LAMP2: variants seen among roughly 807,000 people sequenced by gnomAD.
The protein encoded by LAMP2 is lysosome associated membrane protein 2.
A neutral mutation model predicts 25.6 loss-of-function variants in LAMP2; 4 were observed. That is an observed-to-expected ratio of 0.16 (90% CI 0.08 to 0.36). The LOEUF is 0.36. Among genes scored for constraint, LAMP2 ranks in the 10% least tolerant of loss-of-function variants. The pLI is 1.00. For missense variants in LAMP2, 272 were observed against 301.4 expected, an observed-to-expected ratio of 0.90 and a Z score of 0.72; for synonymous variants, 108 against 112.7, an observed-to-expected ratio of 0.96 and a Z score of 0.27.
At chrX:120,431,513 A>AATCTGTGT (rs1775707296) in intron 8 of LAMP2, 51 bp from the exon 9 acceptor site, 1 of 1,119,786 alleles carries the variant, frequency 8.9e-7, no homozygotes, top group Non-Finnish European at 1.2e-6. Flanking sequence ...CAAACTTTCA[A>AATCTGTGT]ATCTGTGTAT....
In LAMP2 at chrX:120,447,931, T is replaced by A. The variant is rs1194513596; in HGVS notation, c.651A>T (p.Lys217Asn). The change falls in exon 5 of 9, where the codon AAA becomes AAT. Residue 217 changes from lysine to asparagine, a missense_variant. Coordinates refer to ENST00000200639, the MANE Select transcript of LAMP2 (RefSeq NM_002294.3). The stretch of plus-strand genomic sequence containing the variant: ...TAACTGAATAGGTTCCAGCTTCTGG[T>A]TTTTCCTTTGGAGTAGGTGTTGTAG... ...SPTTTPTPKE[K>N]PEAGTYSVNN... is the part of the protein sequence containing the mutation. 4 of 1,210,413 alleles carry A rather than the reference T, an allele frequency of 3.3e-6. No homozygotes were observed. In the South Asian group the frequency reaches 7.0e-5, roughly 21 times the overall value.
intron 1 of LAMP2, among the ~76,000 whole-genome samples, chrX:120,461,605 T>G (rs1921316132): frequency 8.9e-6 from 1 of 112,148 alleles, no homozygotes. Flanking sequence ...GATGATCTGA[T>G]GTATCCCACA....
chrX:120,446,198 A>G, intron 6 of LAMP2, 107 bp downstream of exon 6: 1 of 713,182 alleles, frequency 1.4e-6, no homozygotes, highest in Non-Finnish European at 2.2e-6. Context: ...TGAGTACTGT[A>G]GAACTGGAAA....
chrX:120,456,957 G>A (rs184334618), intron 1 of LAMP2, among the ~76,000 whole-genome samples, 188 bp from the exon 2 acceptor site: 9 of 110,305 alleles, frequency 8.2e-5, no homozygotes, highest in Non-Finnish European at 1.5e-4. Flanking sequence ...TATAGATACA[G>A]TATCCTGCTG....
chrX:120,437,115 G>A (rs908121149), intron 8 of LAMP2: 1 of 748,303 alleles, frequency 1.3e-6, no homozygotes, highest in Non-Finnish European at 1.6e-6. Context: ...AGTGTTTTAA[G>A]CTGGTAATGC....
chrX:120,457,253 C>T (rs1921134362), intron 1 of LAMP2, among the ~76,000 whole-genome samples: 1 of 111,343 alleles, frequency 9.0e-6, no homozygotes, highest in Non-Finnish European at 1.9e-5. Context: ...GCTGGTGAAA[C>T]ATTCACTGCA....
intron 1 of LAMP2, among the ~76,000 whole-genome samples, chrX:120,457,697 G>GA (rs1921155223): frequency 1.8e-5 from 2 of 112,331 alleles, no homozygotes; most frequent in Admixed American, 1.9e-4. Context: ...ATTCAGAGGA[G>GA]AAAAAATATC....
chrX:120,428,799 A>G lies in LAMP2; in HGVS notation c.*2524T>C, dbSNP rs150119198. 0.018 allele frequency: 13,316 copies of G among 750,506 alleles called. 99 individuals are homozygous for G. The highest frequency in any genetic ancestry group is 0.024 in the Middle Eastern group (31 of 1,314). The allele number at this position is 750,506 out of a possible 1,213,427, so 61.9% of individuals were successfully genotyped here. On this transcript the variant is annotated 3_prime_UTR_variant, in exon 9 of 9. Transcript: ENST00000200639. ...TCATTATCACTTTATCTAAAATCACACGAAATTCCTCAGTACGAAAAGCAG... is the reference window on the plus strand; with the variant it reads ...TCATTATCACTTTATCTAAAATCACGCGAAATTCCTCAGTACGAAAAGCAG...
rs773064698 is a variant in LAMP2 at position 120,456,789 on chromosome X, T to A, written c.65-20A>T. ...CAGCTCCTGGATTCATTTAAAAAAATAATATTTTAAAATTGTACTACAAAA... is the reference window on the plus strand; with the variant it reads ...CAGCTCCTGGATTCATTTAAAAAAAAAATATTTTAAAATTGTACTACAAAA... On this transcript the variant is annotated intron_variant, in intron 1 of 8. Coordinates refer to ENST00000200639, the MANE Select transcript of LAMP2 (RefSeq NM_002294.3). 59 of 910,238 alleles carry A rather than the reference T, an allele frequency of 6.5e-5. No individual in the cohort carries two copies. The highest frequency in any genetic ancestry group is 7.3e-5 in the Non-Finnish European group (47 of 643,420). The allele number at this position is 910,238 out of a possible 1,213,427, so 75.0% of individuals were successfully genotyped here. A position where few individuals can be genotyped will look rare whatever the true frequency, so the allele number is the denominator to read the frequency against.
intron 5 of LAMP2, among the ~76,000 whole-genome samples, chrX:120,447,451 G>A (rs1025234068): frequency 9.0e-6 from 1 of 110,632 alleles, no homozygotes; most frequent in Non-Finnish European, 1.9e-5. Context: ...GCTCACGCCT[G>A]TAATCCCAGC....
At position 120,426,892 on chromosome X, in the gene LAMP2, G is replaced by C. The variant is rs967458267; in HGVS notation, c.*4431C>G. Among the ~76,000 whole-genome samples the C allele has an allele frequency of 1.8e-5, 2 of 112,473 alleles. No individual in the cohort carries two copies. The highest frequency in any genetic ancestry group is 3.8e-5 in the Non-Finnish European group (2 of 53,272). On this transcript the variant is annotated 3_prime_UTR_variant, in exon 9 of 9. Coordinates refer to ENST00000200639, the MANE Select transcript of LAMP2 (RefSeq NM_002294.3). ...TATGTCAGAGCTATAGAGTTCTAGA[G>C]GAGTTGTAGTTGAGCAATCTAACTT... is the stretch of plus-strand genomic sequence containing the variant.
At chrX:120,462,718 A>T (rs1569372853) in intron 1 of LAMP2, among the ~76,000 whole-genome samples, 1 of 111,036 alleles carries the variant, frequency 9.0e-6, no homozygotes, top group East Asian at 2.8e-4. Context: ...CCAAACAATG[A>T]TCCAAGATAC....
Position 120,428,443 on chromosome X carries a change from C to G in LAMP2, c.*2880G>C. Reference sequence around the variant, plus strand: ...TGGCTTTTAGCCAATGGAAACGTAACTTCTAATTGAAAAAAACAAACAAAC... The same window carrying G: ...TGGCTTTTAGCCAATGGAAACGTAAGTTCTAATTGAAAAAAACAAACAAAC... On this transcript the variant is annotated 3_prime_UTR_variant, in exon 9 of 9. Coordinates refer to ENST00000200639, the MANE Select transcript of LAMP2 (RefSeq NM_002294.3). 8.7e-7 allele frequency: 1 copy of G among 1,145,584 alleles called. No homozygotes were observed. Among genetic ancestry groups the G allele is most frequent in the Non-Finnish European group, 1.2e-6 (1 of 866,900 alleles). 94.4% of individuals were successfully genotyped at this position (1,145,584 alleles called of 1,213,427 possible). A position where few individuals can be genotyped will look rare whatever the true frequency, so the allele number is the denominator to read the frequency against.
At chrX:120,435,493 A>G (rs2058539262) in intron 8 of LAMP2, among the ~76,000 whole-genome samples, 1 of 112,260 alleles carries the variant, frequency 8.9e-6, no homozygotes, top group African/African-American at 3.2e-5. Flanking sequence ...ATTCCTCCTG[A>G]AAAACTGCAG....
At chrX:120,445,308 G>A (rs2058591164) in intron 6 of LAMP2, among the ~76,000 whole-genome samples, 1 of 112,226 alleles carries the variant, frequency 8.9e-6, no homozygotes, top group Admixed American at 9.4e-5. Flanking sequence ...GAACATTTTT[G>A]TAAACCTTTC....
Position 120,469,098 on chromosome X carries a change from C to G in LAMP2, c.64+8G>C. On this transcript the variant is annotated splice_region_variant and intron_variant, in intron 1 of 8. Transcript: ENST00000200639. ...GGACAGACTAATCGGGAGGGCCCGA[C>G]AACTCACCCAGGACTAGGCAGACCA... is the stretch of plus-strand genomic sequence containing the variant. 1 of 1,211,079 alleles carries G rather than the reference C, an allele frequency of 8.3e-7. No individual in the cohort carries two copies. Among genetic ancestry groups the G allele is most frequent in the South Asian group, 1.8e-5 (1 of 57,003 alleles).
chrX:120,438,824 T>G (rs887584627), intron 8 of LAMP2: 36 of 838,147 alleles, frequency 4.3e-5, no homozygotes, highest in Non-Finnish European at 5.1e-5. Context: ...TTTTCAAAAA[T>G]TGTTTTTTCT....
At chrX:120,433,728 G>A (rs1318451227) in intron 8 of LAMP2, among the ~76,000 whole-genome samples, 1 of 111,863 alleles carries the variant, frequency 8.9e-6, no homozygotes, top group Non-Finnish European at 1.9e-5. Context: ...CATTTCCTGT[G>A]TCTTGTTGCC....
At chrX:120,465,740 G>A (rs757691241) in intron 1 of LAMP2, among the ~76,000 whole-genome samples, 2 of 112,065 alleles carry the variant, frequency 1.8e-5, no homozygotes, top group African/African-American at 6.5e-5. Flanking sequence ...TTGGCACTCC[G>A]TACAGTACCC....
Sources: allele counts gnomAD v4.1 joint callset (sites outside exome capture counted in the v4.1 genomes callset), GRCh38; gene constraint gnomAD v4.1.1; transcripts MANE v1.5; gene names NCBI Gene and HGNC (gene_info 2026-07-23, HGNC 2026-07-21).